PRR5: variants seen among roughly 807,000 people sequenced by gnomAD.
The protein encoded by PRR5 is proline rich 5.
A neutral mutation model predicts 30.6 loss-of-function variants in PRR5; 25 were observed. The observed-to-expected ratio is 0.82, with a 90% confidence interval of 0.60 to 1.14. The LOEUF is 1.14. PRR5 is among the 50% of genes most tolerant of loss of function. PRR5 has a pLI of 0.00. For missense variants in PRR5, 600 were observed against 547.1 expected, an observed-to-expected ratio of 1.10 and a Z score of -0.96; for synonymous variants, 286 against 247.1, an observed-to-expected ratio of 1.16 and a Z score of -1.48.
At chr22:44,714,940 C>T (rs1035663318) in intron 2 of PRR5, among the ~76,000 whole-genome samples, 2 of 152,224 alleles carry the variant, frequency 1.3e-5, no homozygotes, top group African/African-American at 4.8e-5. Context: ...GAAAGTTCTT[C>T]AAGGGGAAGC....
At chr22:44,709,283 T>C (rs1325770125) in intron 1 of PRR5, among the ~76,000 whole-genome samples, 1 of 152,124 alleles carries the variant, frequency 6.6e-6, no homozygotes, top group Non-Finnish European at 1.5e-5. Flanking sequence ...CCAGAACCTG[T>C]GACTCTGAGG....
chr22:44,725,353 G>A (rs1920926483), intron 3 of PRR5, 61 bp downstream of exon 3: 3 of 1,604,326 alleles, frequency 1.9e-6, no homozygotes, highest in African/African-American at 1.3e-5. Flanking sequence ...GAAAGCACAG[G>A]GGCTCACCTG....
At chr22:44,708,911 G>A (rs1243179478) in intron 1 of PRR5, among the ~76,000 whole-genome samples, 1 of 141,898 alleles carries the variant, frequency 7.0e-6, no homozygotes, top group Non-Finnish European at 1.5e-5. Flanking sequence ...AGGTTGTAGT[G>A]AGCTAAGATC....
chr22:44,676,655 C>T (rs1470710691), upstream of PRR5, among the ~76,000 whole-genome samples: 1 of 151,978 alleles, frequency 6.6e-6, no homozygotes, highest in Admixed American at 6.6e-5. Flanking sequence ...GCATAGCAGT[C>T]GGAGCCCAGC....
chr22:44,675,611 T>C (rs1923697884), upstream of PRR5, among the ~76,000 whole-genome samples: 1 of 152,082 alleles, frequency 6.6e-6, no homozygotes, highest in South Asian at 2.1e-4. Context: ...TCACCCTCCC[T>C]GCATCTCAGT....
intron 1 of PRR5, among the ~76,000 whole-genome samples, chr22:44,680,375 G>A (rs1038532814): frequency 1.3e-5 from 2 of 152,132 alleles, no homozygotes; most frequent in African/African-American, 2.4e-5. Flanking sequence ...ACCCTAAAGT[G>A]CACGTTTAGT....
In PRR5 at chr22:44,722,987, T is replaced by A. The variant is rs1930166118; in HGVS notation, c.216-2257T>A. On this transcript the variant is annotated intron_variant, in intron 2 of 7. Transcript: ENST00000336985. ...TTGTTCCATAATCTTTAAAAACTTT[T>A]CTTTTTTTTTTTTTTTGAGACAGAG... Among the ~76,000 whole-genome samples the A allele has an allele frequency of 3.1e-5, 4 of 127,510 alleles. No homozygotes were observed. In the Admixed American group the frequency reaches 3.5e-4, roughly 11 times the overall value. The allele number at this position is 127,510 out of a possible 152,430, so 83.7% of individuals were successfully genotyped here.
upstream of PRR5, among the ~76,000 whole-genome samples, chr22:44,674,742 C>G (rs1009352308): frequency 6.6e-6 from 1 of 151,224 alleles, no homozygotes; most frequent in Non-Finnish European, 1.5e-5. Context: ...AAAAATAGTT[C>G]AAGACCAGCC....
intron 1 of PRR5, among the ~76,000 whole-genome samples, chr22:44,693,779 G>T (rs896607033): frequency 3.6e-5 from 5 of 139,420 alleles, no homozygotes; most frequent in African/African-American, 1.4e-4. Context: ...ACAGGCGCCT[G>T]CCACCACACT....
chr22:44,711,888 G>A (rs1928295559), intron 1 of PRR5, among the ~76,000 whole-genome samples: 1 of 152,218 alleles, frequency 6.6e-6, no homozygotes, highest in African/African-American at 2.4e-5. Context: ...CACAGGGCTG[G>A]GAGGGTGTCT....
chr22:44,689,544 G>A (rs1003994353), intron 1 of PRR5, among the ~76,000 whole-genome samples: 16 of 152,236 alleles, frequency 1.1e-4, no homozygotes, highest in African/African-American at 2.7e-4. Flanking sequence ...ACTGAGCTCC[G>A]TGTAGGCTGG....
chr22:44,669,986 G>A (rs5764957), intron 1 of PRR5, among the ~76,000 whole-genome samples: 31,555 of 152,138 alleles, frequency 0.21, 3,516 homozygotes, highest in Middle Eastern at 0.36. Context: ...CCTCCTTGAT[G>A]ACAGTGCTTG....
chr22:44,680,239 G>T (rs1924152555), intron 1 of PRR5, among the ~76,000 whole-genome samples: 1 of 152,202 alleles, frequency 6.6e-6, no homozygotes, highest in Admixed American at 6.5e-5. Context: ...TTGACAGTTT[G>T]CTGTACCTCT....
At chr22:44,730,442 G>T (rs1056155115) in intron 4 of PRR5, 3 of 985,310 alleles carry the variant, frequency 3.0e-6, no homozygotes, top group Non-Finnish European at 2.4e-6. Context: ...AGGCAGAAAG[G>T]CCAAGGGTTC....
rs757854905 is a variant in PRR5 at position 44,702,493 on chromosome 22, T to G, written c.19T>G (p.Leu7Val). ...GGTCACCATGAGGACTCTCCGCAGG[T>G]TGAAGTTCATGAGTTCGCCCAGCCT... MRTLRR[L>V]KFMSSPSLSD... The change falls in exon 1 of 8, where the codon TTG (leucine) becomes GTG (valine). Residue 7 changes from leucine (L) to valine (V), a missense_variant. Physicochemically the swap from Leu to Val is conservative, Grantham distance 32. Transcript: ENST00000336985. 6.8e-7 allele frequency: 1 copy of G among 1,464,934 alleles called. No homozygotes were observed. Among genetic ancestry groups the G allele is most frequent in the East Asian group, 3.0e-5 (1 of 33,218 alleles). 90.7% of individuals were successfully genotyped at this position (1,464,934 alleles called of 1,614,324 possible).
intron 1 of PRR5, among the ~76,000 whole-genome samples, chr22:44,695,774 T>A (rs1038167473): frequency 3.8e-4 from 57 of 151,956 alleles, no homozygotes; most frequent in African/African-American, 1.3e-3. Context: ...AATTTTTTTG[T>A]ATTTTTAGTA....
Position 44,679,562 on chromosome 22 carries a change from C to T in PRR5, c.-11+2322C>T, listed in dbSNP as rs1332001440. On this transcript the variant is annotated intron_variant, in intron 1 of 8. Transcript: ENST00000006251. ...TCTACTAAAAATACAAAAAAATTAG[C>T]TAGGCATTGTGGCGCATGCCTGTAA... 8.3e-6 allele frequency: 3 copies of T among 363,424 alleles called. No homozygotes were observed. In the East Asian group the frequency reaches 1.5e-4, roughly 18 times the overall value. The allele number at this position is 363,424 out of a possible 1,614,324, so 22.5% of individuals were successfully genotyped here. A position where few individuals can be genotyped will look rare whatever the true frequency, so the allele number is the denominator to read the frequency against.
At chr22:44,697,396 G>A (rs1161693452), upstream of PRR5, among the ~76,000 whole-genome samples, 3 of 152,186 alleles carry the variant, frequency 2.0e-5, no homozygotes, top group African/African-American at 7.2e-5. Context: ...CACCCTTCTC[G>A]CCCATCTCAG....
intron 1 of PRR5, among the ~76,000 whole-genome samples, chr22:44,678,604 C>T (rs756241983): frequency 6.6e-6 from 1 of 152,160 alleles, no homozygotes. Flanking sequence ...TGTGAGCCAC[C>T]GCGCCCTGCC....
Sources: gnomAD v4.1 joint callset for allele counts (sites outside exome capture counted in the v4.1 genomes callset) on GRCh38, gnomAD v4.1.1 for gene constraint, MANE v1.5 for transcripts, NCBI Gene and HGNC (gene_info 2026-07-23, HGNC 2026-07-21) for gene names.